Variants in ARHGAP44 observed in about 807,000 individuals in gnomAD.
The protein encoded by ARHGAP44 is Rho GTPase activating protein 44.
ARHGAP44 carries 43 observed loss-of-function variants against 106.8 expected under a neutral mutation model. The observed-to-expected ratio is 0.40, with a 90% CI of 0.32 to 0.52. The LOEUF is 0.52. Among genes scored for constraint, ARHGAP44 ranks in the 20% least tolerant of loss-of-function variants. The pLI, the probability that ARHGAP44 is intolerant of heterozygous loss-of-function variation, is 0.48. For missense variants in ARHGAP44, 866 were observed against 1,050.5 expected, an observed-to-expected ratio of 0.82 and a Z score of 2.43; for synonymous variants, 439 against 410.3, an observed-to-expected ratio of 1.07 and a Z score of -0.85.
chr17:12,893,502 A>G (rs1041088590), intron 1 of ARHGAP44, among the ~76,000 whole-genome samples: 3 of 152,170 alleles, frequency 2.0e-5, no homozygotes, highest in African/African-American at 7.2e-5. Context: ...GTCCTGCAGC[A>G]GAGGAGGATG....
At chr17:12,840,002 C>T (rs1001346650) in intron 1 of ARHGAP44, among the ~76,000 whole-genome samples, 6 of 152,324 alleles carry the variant, frequency 3.9e-5, no homozygotes, top group South Asian at 2.1e-4. Flanking sequence ...GCTCTCAGCA[C>T]ATCCCTCAAC....
intron 6 of ARHGAP44, among the ~76,000 whole-genome samples, chr17:12,925,218 G>C (rs1293761495): frequency 6.6e-6 from 1 of 152,142 alleles, no homozygotes; most frequent in Non-Finnish European, 1.5e-5. Context: ...GACTCCATTT[G>C]TCTGGACTTT....
chr17:12,885,084 A>G (rs1217717215), intron 1 of ARHGAP44, among the ~76,000 whole-genome samples: 2 of 152,120 alleles, frequency 1.3e-5, no homozygotes, highest in African/African-American at 4.8e-5. Flanking sequence ...TATTTTTAGT[A>G]GAGATGGGGT....
In ARHGAP44 at chr17:12,789,707, G is replaced by A; in HGVS notation, c.-132G>A. The A allele has an allele frequency of 1.3e-6, 1 of 741,390 alleles. No homozygotes were observed. Among genetic ancestry groups the A allele is most frequent in the Non-Finnish European group, 1.9e-6 (1 of 529,296 alleles). 45.9% of individuals were successfully genotyped at this position (741,390 alleles called of 1,614,324 possible). A position where few individuals can be genotyped will look rare whatever the true frequency, so the allele number is the denominator to read the frequency against. On this transcript the variant is annotated 5_prime_UTR_variant, in exon 1 of 21. Coordinates refer to ENST00000379672, the MANE Select transcript of ARHGAP44 (RefSeq NM_014859.6). ...GGAGGGAGCTGCGCGCGGGCCAGACGGCGCCCGGAGGCTCCGCAGTGCCGC... is the reference window on the plus strand; with the variant it reads ...GGAGGGAGCTGCGCGCGGGCCAGACAGCGCCCGGAGGCTCCGCAGTGCCGC...
At chr17:12,932,337 A>T (rs2038426164) in intron 7 of ARHGAP44, among the ~76,000 whole-genome samples, 1 of 152,158 alleles carries the variant, frequency 6.6e-6, no homozygotes, top group Non-Finnish European at 1.5e-5. Flanking sequence ...TAATTTGGTG[A>T]ATTGCCTATT....
intron 1 of ARHGAP44, among the ~76,000 whole-genome samples, chr17:12,864,384 A>G (rs758450985): frequency 5.5e-4 from 84 of 152,146 alleles, no homozygotes; most frequent in Non-Finnish European, 1.1e-3. Context: ...TGAAGGAGCT[A>G]TTTGATACCG....
At position 12,860,970 on chromosome 17, in the gene ARHGAP44, C is replaced by T. The variant is rs994430877; in HGVS notation, c.54-33970C>T. Among the ~76,000 whole-genome samples, 6 of 151,146 alleles carry T rather than the reference C, an allele frequency of 4.0e-5. No homozygotes were observed. The South Asian group carries it at 1.3e-3, about 32-fold the overall frequency. ...CTCCAGGGTTCAAGTGATTCTTGTGCCTCAGCCTCCTAAGTACCTGGGACT... is the reference window on the plus strand; with the variant it reads ...CTCCAGGGTTCAAGTGATTCTTGTGTCTCAGCCTCCTAAGTACCTGGGACT... On this transcript the variant is annotated intron_variant, in intron 1 of 20. Transcript: ENST00000379672.
chr17:12,979,974 C>T (rs2039789185), intron 18 of ARHGAP44, 84 bp from the exon 19 acceptor site: 8 of 1,399,634 alleles, frequency 5.7e-6, no homozygotes, highest in Non-Finnish European at 6.7e-6. Context: ...CCCAGAAGGA[C>T]ACACAGGGTG....
intron 1 of ARHGAP44, among the ~76,000 whole-genome samples, chr17:12,826,160 A>G (rs890812926): frequency 2.0e-5 from 3 of 152,102 alleles, no homozygotes; most frequent in Admixed American, 1.3e-4. Flanking sequence ...TGGTTTGTAC[A>G]GATTATTTTA....
At chr17:12,906,126 C>G (rs1374412585) in intron 3 of ARHGAP44, among the ~76,000 whole-genome samples, 1 of 152,174 alleles carries the variant, frequency 6.6e-6, no homozygotes, top group African/African-American at 2.4e-5. Flanking sequence ...AAAAATCACC[C>G]CTGGTTGAGA....
chr17:12,889,930 A>G (rs909454121), intron 1 of ARHGAP44, among the ~76,000 whole-genome samples: 2 of 152,246 alleles, frequency 1.3e-5, no homozygotes, highest in African/African-American at 4.8e-5. Flanking sequence ...GGAAAATGTT[A>G]AATCTTAAAG....
Position 12,937,664 on chromosome 17 carries a change from T to G in ARHGAP44, c.583-3392T>G, listed in dbSNP as rs182677797. On this transcript the variant is annotated intron_variant, in intron 7 of 20. Coordinates refer to ENST00000379672, the MANE Select transcript of ARHGAP44 (RefSeq NM_014859.6). ...TGTTCAGCTTTTTACCTGTTAGTAC[T>G]GACTTCAAAGCCCCCTGCGTGCTGG... is the stretch of plus-strand genomic sequence containing the variant. Among the ~76,000 whole-genome samples, 646 of 152,294 alleles carry G rather than the reference T, an allele frequency of 4.2e-3. 3 individuals are homozygous for G. The highest frequency in any genetic ancestry group is 7.6e-3 in the Non-Finnish European group (520 of 68,012).
intron 1 of ARHGAP44, among the ~76,000 whole-genome samples, chr17:12,808,504 A>ACCCAC (rs1344790785): frequency 1.3e-5 from 2 of 152,192 alleles, no homozygotes; most frequent in African/African-American, 2.4e-5. Context: ...CGGGCTCAAT[A>ACCCAC]CCATGTGGAG....
At chr17:12,872,809 T>C (rs2036441625) in intron 1 of ARHGAP44, among the ~76,000 whole-genome samples, 1 of 152,220 alleles carries the variant, frequency 6.6e-6, no homozygotes, top group African/African-American at 2.4e-5. Context: ...CCATTCTATT[T>C]TCCCTTTCTT....
Position 12,990,391 on chromosome 17 carries a change from TTTG to T in ARHGAP44, c.*223_*225del, listed in dbSNP as rs1235375721. The T allele has an allele frequency of 1.8e-5, 10 of 559,444 alleles. No individual in the cohort carries two copies. The highest frequency in any genetic ancestry group is 2.8e-5 in the Non-Finnish European group (9 of 323,908). 34.7% of individuals were successfully genotyped at this position (559,444 alleles called of 1,614,324 possible). On this transcript the variant is annotated 3_prime_UTR_variant, in exon 21 of 21. Transcript: ENST00000379672. The stretch of plus-strand genomic sequence containing the variant: ...TCCTTTCGGGTGGTGACTTCGGCCT[TTTG>T]TTTGACCTTTGCCTTTTGACTTTGT...
chr17:12,809,491 C>T (rs1019155856), intron 1 of ARHGAP44, among the ~76,000 whole-genome samples: 12 of 152,172 alleles, frequency 7.9e-5, no homozygotes, highest in African/African-American at 2.7e-4. Context: ...AGGGAACTCC[C>T]CTTTATAAAA....
intron 1 of ARHGAP44, among the ~76,000 whole-genome samples, chr17:12,889,398 G>A (rs1353198101): frequency 1.3e-5 from 2 of 152,120 alleles, no homozygotes; most frequent in Non-Finnish European, 2.9e-5. Context: ...TTATAACATG[G>A]CAGAAGGGAA....
intron 1 of ARHGAP44, among the ~76,000 whole-genome samples, chr17:12,877,623 G>A (rs1179076507): frequency 2.0e-5 from 3 of 151,986 alleles, no homozygotes; most frequent in Non-Finnish European, 4.4e-5. Context: ...GGTGGCGGGC[G>A]TCTGTAGTCC....
chr17:12,968,604 C>T (rs928010260), intron 16 of ARHGAP44, among the ~76,000 whole-genome samples: 10 of 151,964 alleles, frequency 6.6e-5, no homozygotes, highest in African/African-American at 1.9e-4. Flanking sequence ...AGCATTTTAG[C>T]AAGCCCCTAT....
Sources: allele counts gnomAD v4.1 joint callset (sites outside exome capture counted in the v4.1 genomes callset), GRCh38; gene constraint gnomAD v4.1.1; transcripts MANE v1.5; gene names NCBI Gene and HGNC (gene_info 2026-07-23, HGNC 2026-07-21).